TMOD1: variants seen among roughly 807,000 people sequenced by gnomAD.
TMOD1 encodes tropomodulin-1.
Under a neutral mutation model 40.6 loss-of-function variants are expected in TMOD1, and 17 were observed. The ratio of observed to expected loss-of-function variants is 0.42; its 90% CI spans 0.29 to 0.63. The LOEUF (loss-of-function observed/expected upper bound fraction) is 0.63. TMOD1 is among the 20% of genes least tolerant of loss of function. The pLI is 0.22. For missense variants in TMOD1, 391 were observed against 447.6 expected (o/e 0.87, Z 1.14); for synonymous variants, 181 against 175.0 (o/e 1.03, Z -0.27).
chr9:97,594,209 A>G (rs1826058106), intron 9 of TMOD1, among the ~76,000 whole-genome samples: 1 of 152,212 alleles, frequency 6.6e-6, no homozygotes, highest in South Asian at 2.1e-4. Flanking sequence ...AAGGAATTAG[A>G]GATGAATCAT....
intron 2 of TMOD1, among the ~76,000 whole-genome samples, chr9:97,540,156 T>C (rs948153575): frequency 2.6e-5 from 4 of 152,172 alleles, no homozygotes; most frequent in Non-Finnish European, 5.9e-5. Flanking sequence ...CCCTTCAACC[T>C]TCCCAGCTGT....
At chr9:97,524,520 GTA>G (rs202035742) in intron 2 of TMOD1, among the ~76,000 whole-genome samples, 61 of 150,572 alleles carry the variant, frequency 4.1e-4, no homozygotes, top group Middle Eastern at 3.4e-3. Context: ...GTGTGTGTGT[GTA>G]TGTGTGTGTG....
At chr9:97,538,453 C>G (rs573671342) in intron 2 of TMOD1, among the ~76,000 whole-genome samples, 4 of 121,674 alleles carry the variant, frequency 3.3e-5, no homozygotes, top group African/African-American at 1.5e-4. Context: ...ATTGATGCTT[C>G]CCTTTGAACT....
At chr9:97,595,669 A>G (rs1233895690) in intron 9 of TMOD1, among the ~76,000 whole-genome samples, 2 of 151,932 alleles carry the variant, frequency 1.3e-5, no homozygotes, top group Admixed American at 6.6e-5. Flanking sequence ...TGATGCTGCA[A>G]TGAACATGGA....
chr9:97,528,053 C>CA (rs1830044192), intron 2 of TMOD1, among the ~76,000 whole-genome samples: 1 of 152,200 alleles, frequency 6.6e-6, no homozygotes, highest in Middle Eastern at 3.2e-3. Context: ...GTTTCACCCC[C>CA]AAACTGGCAA....
intron 3 of TMOD1, 118 bp from the exon 4 acceptor site, chr9:97,553,163 G>C: frequency 6.8e-7 from 1 of 1,467,260 alleles, no homozygotes; most frequent in Admixed American, 2.0e-5. Context: ...GAAACCTGAA[G>C]GGACTCTCAG....
intron 1 of TMOD1, among the ~76,000 whole-genome samples, chr9:97,520,820 A>T (rs1490260277): frequency 6.6e-6 from 1 of 152,096 alleles, no homozygotes; most frequent in Non-Finnish European, 1.5e-5. Context: ...GCCCCACCAC[A>T]TATCCCTCCT....
At chr9:97,591,659 G>A (rs1455960028) in intron 9 of TMOD1, among the ~76,000 whole-genome samples, 11 of 152,186 alleles carry the variant, frequency 7.2e-5, no homozygotes. Flanking sequence ...CCTCCTCAAA[G>A]CACAGCTCAG....
rs1248519506 is a variant in TMOD1, at chr9:97,601,010, C to G, written c.*1312C>G. 2 of 1,288,320 alleles carry G rather than the reference C, an allele frequency of 1.6e-6. No individual in the cohort carries two copies. Among genetic ancestry groups the G allele is most frequent in the African/African-American group, 3.1e-5 (2 of 65,382 alleles). 79.8% of individuals were successfully genotyped at this position (1,288,320 alleles called of 1,614,324 possible). Reference sequence around the variant, plus strand: ...AACTCCAGAGCACTGAGCAGAGAGGCTGGTGATGAAAAGGTGAAGGCCTGC... The same window carrying G: ...AACTCCAGAGCACTGAGCAGAGAGGGTGGTGATGAAAAGGTGAAGGCCTGC... On this transcript the variant is annotated 3_prime_UTR_variant, in exon 10 of 10. Transcript: ENST00000259365.
intron 1 of TMOD1, among the ~76,000 whole-genome samples, chr9:97,517,118 G>A (rs778362891): frequency 3.3e-5 from 5 of 152,028 alleles, no homozygotes; most frequent in East Asian, 1.9e-4. Flanking sequence ...AGGCTGAAGC[G>A]GGAGGATTGC....
At chr9:97,509,446 T>A (rs1829657508) in intron 1 of TMOD1, among the ~76,000 whole-genome samples, 1 of 152,118 alleles carries the variant, frequency 6.6e-6, no homozygotes, top group Non-Finnish European at 1.5e-5. Context: ...ACTCAATGTC[T>A]TATTGAATTT....
intron 8 of TMOD1, among the ~76,000 whole-genome samples, chr9:97,584,166 G>A (rs867382558): frequency 3.7e-4 from 57 of 152,036 alleles, no homozygotes; most frequent in South Asian, 3.7e-3. Context: ...TCTACACACT[G>A]CTTTGAATGC....
chr9:97,545,322 A>C (rs960379224), intron 2 of TMOD1, among the ~76,000 whole-genome samples: 2 of 152,316 alleles, frequency 1.3e-5, no homozygotes, highest in African/African-American at 4.8e-5. Flanking sequence ...TTGCAGCTAT[A>C]AACTTCTTTG....
intron 4 of TMOD1, among the ~76,000 whole-genome samples, chr9:97,560,283 T>G (rs886091946): frequency 2.0e-4 from 30 of 152,028 alleles, no homozygotes; most frequent in Non-Finnish European, 4.0e-4. Flanking sequence ...CCACATAGAT[T>G]CTGAGGCATA....
intron 1 of TMOD1, among the ~76,000 whole-genome samples, chr9:97,514,506 T>C (rs2131212545): frequency 6.6e-6 from 1 of 152,300 alleles, no homozygotes; most frequent in South Asian, 2.1e-4. Flanking sequence ...TCAGCTTGCA[T>C]GAGGTCCCAC....
At chr9:97,503,794 G>T (rs1385188930) in intron 1 of TMOD1, among the ~76,000 whole-genome samples, 1 of 152,226 alleles carries the variant, frequency 6.6e-6, no homozygotes, top group Non-Finnish European at 1.5e-5. Context: ...TCTGGCTCCA[G>T]CCCCAACTCT....
At chr9:97,521,750 GA>G (rs1829920401) in intron 1 of TMOD1, among the ~76,000 whole-genome samples, 1 of 152,162 alleles carries the variant, frequency 6.6e-6, no homozygotes, top group South Asian at 2.1e-4. Flanking sequence ...CTGTATTTGG[GA>G]AGCAAGTCCT....
At chr9:97,508,328 A>G (rs1373974624) in intron 1 of TMOD1, among the ~76,000 whole-genome samples, 1 of 152,004 alleles carries the variant, frequency 6.6e-6, no homozygotes, top group African/African-American at 2.4e-5. Flanking sequence ...AGCTGGGACT[A>G]CAGGTGCACA....
At chr9:97,515,532 A>C (rs995883602) in intron 1 of TMOD1, among the ~76,000 whole-genome samples, 3 of 152,274 alleles carry the variant, frequency 2.0e-5, no homozygotes, top group Non-Finnish European at 4.4e-5. Flanking sequence ...CATCCACCTC[A>C]GCCTCCCAAA....
Sources: gnomAD v4.1 joint callset for allele counts (sites outside exome capture counted in the v4.1 genomes callset) on GRCh38, gnomAD v4.1.1 for gene constraint, MANE v1.5 for transcripts, NCBI Gene and HGNC (gene_info 2026-07-23, HGNC 2026-07-21) for gene names.